ARNT2: variants seen among roughly 807,000 people sequenced by gnomAD.
ARNT2 encodes the protein ARNT protein 2.
In ARNT2, 36 loss-of-function variants were observed where a neutral mutation model predicts 91.7. The ratio of observed to expected loss-of-function variants is 0.39; its 90% CI spans 0.30 to 0.52. The LOEUF (loss-of-function observed/expected upper bound fraction) is 0.52, where lower values mean the gene tolerates loss of function less well. Among genes scored for constraint, ARNT2 ranks in the 20% least tolerant of loss-of-function variants. The pLI is 0.72. For synonymous variants in ARNT2, 365 were observed against 347.1 expected, an observed-to-expected ratio of 1.05 and a Z score of -0.57; for missense variants, 775 against 939.3, an observed-to-expected ratio of 0.83 and a Z score of 2.29.
chr15:80,475,893 A>G (rs1204976159), intron 5 of ARNT2, among the ~76,000 whole-genome samples: 3 of 152,176 alleles, frequency 2.0e-5, no homozygotes, highest in African/African-American at 7.2e-5. Context: ...TCCTTATTGA[A>G]ATGTTTAAAT....
chr15:80,451,775 A>C (rs1435484853), intron 2 of ARNT2, among the ~76,000 whole-genome samples: 1 of 152,116 alleles, frequency 6.6e-6, no homozygotes, highest in East Asian at 1.9e-4. Context: ...CAACCATCCA[A>C]CCAACCAAAA....
intron 1 of ARNT2, among the ~76,000 whole-genome samples, chr15:80,405,950 G>T (rs56743284): frequency 6.6e-6 from 1 of 152,206 alleles, no homozygotes; most frequent in African/African-American, 2.4e-5. Context: ...CAAGGAAATC[G>T]CATGATCACT....
At chr15:80,443,507 C>T (rs932292561) in intron 1 of ARNT2, among the ~76,000 whole-genome samples, 9 of 151,880 alleles carry the variant, frequency 5.9e-5, no homozygotes, top group African/African-American at 1.9e-4. Flanking sequence ...AGAGACCTCT[C>T]GGAGGTAGCA....
intron 5 of ARNT2, among the ~76,000 whole-genome samples, chr15:80,499,301 G>A (rs1453345373): frequency 6.6e-6 from 1 of 152,074 alleles, no homozygotes; most frequent in Non-Finnish European, 1.5e-5. Context: ...CACTTCCTAG[G>A]GCTGTGTAGA....
chr15:80,491,652 A>G (rs1293433361), intron 5 of ARNT2, among the ~76,000 whole-genome samples: 5 of 152,162 alleles, frequency 3.3e-5, no homozygotes, highest in Non-Finnish European at 5.9e-5. Flanking sequence ...GCATTTTTAT[A>G]TAGAAAGACT....
chr15:80,411,777 T>C (rs905970722), intron 1 of ARNT2, among the ~76,000 whole-genome samples: 1 of 151,628 alleles, frequency 6.6e-6, no homozygotes, highest in Non-Finnish European at 1.5e-5. Flanking sequence ...GGTGAGGAGG[T>C]CCTACACCTA....
At chr15:80,454,866 GC>G (rs1896458577) in intron 2 of ARNT2, among the ~76,000 whole-genome samples, 2 of 152,176 alleles carry the variant, frequency 1.3e-5, no homozygotes, top group African/African-American at 4.8e-5. Flanking sequence ...TTCTGTCGAG[GC>G]AGGCATTCAG....
chr15:80,417,074 A>C (rs1895796754), intron 1 of ARNT2, among the ~76,000 whole-genome samples: 1 of 151,780 alleles, frequency 6.6e-6, no homozygotes, highest in Admixed American at 6.6e-5. Flanking sequence ...TAACAAATAA[A>C]ATAATTATAA....
intron 15 of ARNT2, 146 bp downstream of exon 15, chr15:80,577,111 G>A (rs1416709607): frequency 2.7e-6 from 2 of 749,594 alleles, no homozygotes; most frequent in Non-Finnish European, 4.4e-6. Flanking sequence ...GGATTCTGGT[G>A]GCTCTGCTTC....
At chr15:80,474,835 G>A (rs1217570224) in intron 4 of ARNT2, among the ~76,000 whole-genome samples, 175 bp from the exon 5 acceptor site, 5 of 152,304 alleles carry the variant, frequency 3.3e-5, no homozygotes, top group African/African-American at 1.2e-4. Context: ...GATGGTGCAA[G>A]CTTTGTGCAT....
In ARNT2 at chr15:80,450,959, G is replaced by A. The variant is rs1052322179; in HGVS notation, c.111G>A (p.Gly37=). Residue 37 remains glycine (G), a synonymous_variant, in exon 2 of 19, where the codon GGG becomes GGA. Coordinates refer to ENST00000303329, the MANE Select transcript of ARNT2 (RefSeq NM_014862.4). ...CCACCGGACAGGTGAGGATGGCGGG[G>A]GCCATGCCTGCCCGTGGAGGAAAGC... ...MAATGQVRMA[G]AMPARGGKRR... is the part of the protein sequence containing the mutation. 1.9e-6 allele frequency: 3 copies of A among 1,614,098 alleles called. No individual in the cohort carries two copies. The highest frequency in any genetic ancestry group is 1.7e-5 in the Admixed American group (1 of 60,030).
intron 5 of ARNT2, among the ~76,000 whole-genome samples, chr15:80,493,555 A>C (rs1040729119): frequency 1.3e-5 from 2 of 152,006 alleles, no homozygotes; most frequent in Non-Finnish European, 2.9e-5. Context: ...TGTTTGCTTT[A>C]AGTCAGGGTG....
At position 80,513,853 on chromosome 15, in the gene ARNT2, T is replaced by C. The variant is rs1897383907; in HGVS notation, c.726-58T>C. ...GCTCATCTACTTGATGGCAGCACCA[T>C]ATATTGAATAAACTTGCCTGGGTCT... On this transcript the variant is annotated intron_variant, in intron 6 of 18. Transcript: ENST00000303329. The C allele has an allele frequency of 1.6e-5, 23 of 1,408,326 alleles. No homozygotes were observed. The South Asian group carries it at 2.0e-4, about 12-fold the overall frequency. 87.2% of individuals were successfully genotyped at this position (1,408,326 alleles called of 1,614,324 possible). A position where few individuals can be genotyped will look rare whatever the true frequency, so the allele number is the denominator to read the frequency against.
In ARNT2 at chr15:80,404,680, C is replaced by A. The variant is rs777576398; in HGVS notation, c.31+134C>A. 3 of 461,010 alleles carry A rather than the reference C, an allele frequency of 6.5e-6. No homozygotes were observed. Among genetic ancestry groups the A allele is most frequent in the Non-Finnish European group, 8.6e-6 (3 of 347,768 alleles). 28.6% of individuals were successfully genotyped at this position (461,010 alleles called of 1,614,324 possible). ...GCGCGGTGGGTGGTGGAGCGGCTGT[C>A]ACTACGCGGCAGCCGCAGCATCAGC... On this transcript the variant is annotated intron_variant, in intron 1 of 18. Coordinates refer to ENST00000303329, the MANE Select transcript of ARNT2 (RefSeq NM_014862.4). The surrounding 1 kb of genome is among the most constrained non-coding windows in gnomAD (Gnocchi z 5.5).
chr15:80,521,603 T>C (rs890276244), intron 8 of ARNT2, among the ~76,000 whole-genome samples: 1 of 152,022 alleles, frequency 6.6e-6, no homozygotes, highest in African/African-American at 2.4e-5. Context: ...AAATTCTACA[T>C]GTCATTGCAG....
chr15:80,523,372 A>G (rs1897584280), intron 8 of ARNT2, among the ~76,000 whole-genome samples: 2 of 152,082 alleles, frequency 1.3e-5, no homozygotes, highest in South Asian at 2.1e-4. Context: ...CAGTGCATGC[A>G]CAGGTGACTA....
chr15:80,513,182 G>C (rs918834826), intron 6 of ARNT2, among the ~76,000 whole-genome samples: 3 of 152,232 alleles, frequency 2.0e-5, no homozygotes, highest in African/African-American at 7.2e-5. Context: ...GCAGCAGTCA[G>C]AGCCTGGCCA....
At chr15:80,499,464 C>A (rs945025866) in intron 5 of ARNT2, among the ~76,000 whole-genome samples, 11 of 152,208 alleles carry the variant, frequency 7.2e-5, no homozygotes, top group Admixed American at 5.9e-4. Context: ...GGTGACAGAA[C>A]CAAGTGTTAA....
chr15:80,484,483 T>C (rs1340997304), intron 5 of ARNT2, among the ~76,000 whole-genome samples: 1 of 152,242 alleles, frequency 6.6e-6, no homozygotes, highest in East Asian at 1.9e-4. Context: ...CTTAGATCTG[T>C]TATCCCAGAT....
Sources: gnomAD v4.1 joint callset for allele counts (sites outside exome capture counted in the v4.1 genomes callset) on GRCh38, gnomAD v4.1.1 for gene constraint, Gnocchi (gnomAD v3.1) non-coding constraint, MANE v1.5 for transcripts, NCBI Gene and HGNC (gene_info 2026-07-23, HGNC 2026-07-21) for gene names.